Variants in ROBO2 observed in about 807,000 individuals in gnomAD.
The protein encoded by ROBO2 is roundabout guidance receptor 2.
Under a neutral mutation model 160.8 loss-of-function variants are expected in ROBO2, and 53 were observed. The ratio of observed to expected loss-of-function variants is 0.33; its 90% CI spans 0.26 to 0.41. ROBO2 has a LOEUF of 0.41. Ranked by LOEUF, ROBO2 falls within the 10% of genes least tolerant of loss-of-function variation. The probability of loss-of-function intolerance (pLI) is 1.00; values close to 1 mark genes in which losing one functional copy is unlikely to be tolerated. For missense variants in ROBO2, 1,577 were observed against 1,722.4 expected (o/e 0.92, Z 1.49); for synonymous variants, 664 against 611.7 (o/e 1.09, Z -1.26).
chr3:76,954,303 T>C (rs1260979172), intron 2 of ROBO2, among the ~76,000 whole-genome samples: 2 of 152,208 alleles, frequency 1.3e-5, no homozygotes, highest in Admixed American at 1.3e-4. Flanking sequence ...TCTGCCAATA[T>C]TTTAGGATAG....
At chr3:76,746,473 C>G (rs570208818) in intron 2 of ROBO2, among the ~76,000 whole-genome samples, 1 of 152,088 alleles carries the variant, frequency 6.6e-6, no homozygotes, top group Non-Finnish European at 1.5e-5. Context: ...GTTCCTATTT[C>G]TCCACATCCT....
chr3:76,325,349 G>T (rs1343527300), intron 2 of ROBO2, among the ~76,000 whole-genome samples: 1 of 152,078 alleles, frequency 6.6e-6, no homozygotes, highest in Non-Finnish European at 1.5e-5. Context: ...TTTACTATAG[G>T]ATGCATTTCT....
At chr3:76,260,124 C>T (rs997151895) in intron 2 of ROBO2, among the ~76,000 whole-genome samples, 2 of 152,122 alleles carry the variant, frequency 1.3e-5, no homozygotes, top group Non-Finnish European at 1.5e-5. Context: ...AAGTATCACC[C>T]TGCAGAAAAG....
At chr3:76,216,636 A>G (rs1230310026) in intron 2 of ROBO2, among the ~76,000 whole-genome samples, 1 of 152,192 alleles carries the variant, frequency 6.6e-6, no homozygotes, top group African/African-American at 2.4e-5. Flanking sequence ...TGCACCCAAT[A>G]CAGGAGCACC....
At chr3:77,577,696 T>G in intron 15 of ROBO2, 82 bp downstream of exon 16, 15 of 1,498,606 alleles carry the variant, frequency 1.0e-5, no homozygotes, top group Non-Finnish European at 1.4e-5. Flanking sequence ...GACACATCTC[T>G]AAAGGTTCTC....
At chr3:77,480,997 A>G (rs1189024886) in intron 3 of ROBO2, 102 bp from the exon 4 acceptor site, 5 of 1,092,098 alleles carry the variant, frequency 4.6e-6, no homozygotes, top group Admixed American at 4.0e-5. Flanking sequence ...TCCTTTGGGA[A>G]ACAAATATGC....
intron 2 of ROBO2, among the ~76,000 whole-genome samples, chr3:76,793,175 T>A (rs2063477134): frequency 6.6e-6 from 1 of 151,816 alleles, no homozygotes; most frequent in South Asian, 2.1e-4. Flanking sequence ...GACTAGTTTT[T>A]TAAATTAAAA....
chr3:77,011,027 C>T (rs1034366228), intron 2 of ROBO2, among the ~76,000 whole-genome samples: 3 of 136,646 alleles, frequency 2.2e-5, no homozygotes, highest in African/African-American at 5.8e-5. Context: ...TTCTTTCTGT[C>T]GGTTCTTTCT....
intron 2 of ROBO2, among the ~76,000 whole-genome samples, chr3:76,571,533 A>G (rs1226402355): frequency 2.0e-5 from 3 of 152,146 alleles, no homozygotes; most frequent in Admixed American, 6.5e-5. Flanking sequence ...TAAAACTCCA[A>G]TTAAGATAAT....
rs1560218918 is a variant in ROBO2, at chr3:77,200,312, TATATA to T, written c.388+101973_388+101977del. 2.9e-3 allele frequency among the ~76,000 whole-genome samples: 265 copies of T among 90,670 alleles called. 8 individuals carry two copies. The highest frequency in any genetic ancestry group is 0.024 in the East Asian group (67 of 2,792). 59.5% of individuals were successfully genotyped at this position (90,670 alleles called of 152,430 possible). Reference sequence around the variant, plus strand: ...ATATATATATATATATATATATATATATATATATATTTTAGTTTCTATAGGTAAAG... The same window carrying T: ...ATATATATATATATATATATATATATTATATTTTAGTTTCTATAGGTAAAG... On this transcript the variant is annotated intron_variant, in intron 2 of 25. Coordinates refer to ENST00000461745, the Ensembl canonical transcript of ROBO2.
At chr3:77,597,632 A>G (rs896058195) in intron 19 of ROBO2, among the ~76,000 whole-genome samples, 2 of 152,160 alleles carry the variant, frequency 1.3e-5, no homozygotes, top group East Asian at 1.9e-4. Flanking sequence ...ATGTCTACCA[A>G]TTGGGAGTAA....
chr3:76,141,324 A>G (rs2071660702), intron 2 of ROBO2, among the ~76,000 whole-genome samples: 1 of 150,198 alleles, frequency 6.7e-6, no homozygotes, highest in Non-Finnish European at 1.5e-5. Context: ...AGCCAAAGTT[A>G]GGAAGGAAAG....
chr3:77,289,491 T>TA (rs2060902548), intron 2 of ROBO2, among the ~76,000 whole-genome samples: 1 of 150,608 alleles, frequency 6.6e-6, no homozygotes, highest in African/African-American at 2.5e-5. Context: ...ACTAAAGATA[T>TA]AAAGTAAAAT....
At chr3:76,754,508 T>G (rs1168697978) in intron 2 of ROBO2, among the ~76,000 whole-genome samples, 2 of 151,888 alleles carry the variant, frequency 1.3e-5, no homozygotes, top group African/African-American at 2.4e-5. Flanking sequence ...CTGGAGAAGC[T>G]CCAAATAGTT....
chr3:77,431,276 T>G (rs1266197533), intron 2 of ROBO2, among the ~76,000 whole-genome samples: 1 of 152,140 alleles, frequency 6.6e-6, no homozygotes, highest in Non-Finnish European at 1.5e-5. Flanking sequence ...GGGAGTATGG[T>G]GAAGACAAAG....
chr3:76,112,429 C>T (rs546340957), intron 2 of ROBO2, among the ~76,000 whole-genome samples: 2 of 152,138 alleles, frequency 1.3e-5, no homozygotes, highest in East Asian at 3.9e-4. Context: ...GGTAGAACCT[C>T]CTATAACTGA....
At chr3:77,516,718 AT>A (rs748000815) in intron 5 of ROBO2, among the ~76,000 whole-genome samples, 11 of 151,630 alleles carry the variant, frequency 7.3e-5, no homozygotes, top group Non-Finnish European at 1.3e-4. Context: ...AAGTTCTTAC[AT>A]TTTCAGTATC....
intron 2 of ROBO2, among the ~76,000 whole-genome samples, chr3:76,352,961 G>A (rs556010758): frequency 6.6e-6 from 1 of 152,094 alleles, no homozygotes; most frequent in African/African-American, 2.4e-5. Context: ...AGAACAACTT[G>A]TTAAATATTA....
intron 2 of ROBO2, among the ~76,000 whole-genome samples, chr3:76,166,976 A>G (rs2072862840): frequency 6.6e-6 from 1 of 151,842 alleles, no homozygotes; most frequent in Non-Finnish European, 1.5e-5. Context: ...ACAGAGTCTC[A>G]CTCCATGGCC....
Sources: gnomAD v4.1 joint callset for allele counts (sites outside exome capture counted in the v4.1 genomes callset) on GRCh38, gnomAD v4.1.1 for gene constraint, MANE v1.5 for transcripts, NCBI Gene and HGNC (gene_info 2026-07-23, HGNC 2026-07-21) for gene names.